The following PDE1C variants were observed in gnomAD, a reference collection of about 807,000 sequenced individuals.
PDE1C encodes dual specificity calcium/calmodulin-dependent 3',5'-cyclic nucleotide phosphodiesterase 1C.
PDE1C carries 62 observed loss-of-function variants against 93.1 expected under a neutral mutation model. That is an observed-to-expected ratio of 0.67 (90% CI 0.54 to 0.82). The LOEUF (loss-of-function observed/expected upper bound fraction) is 0.82, where lower values mean the gene tolerates loss of function less well. Ranked by LOEUF, PDE1C falls within the 40% of genes least tolerant of loss-of-function variation. The pLI is 0.00. For synonymous variants in PDE1C, 325 were observed against 310.1 expected (o/e 1.05, Z -0.50); for missense variants, 742 against 884.6 (o/e 0.84, Z 2.04).
At chr7:32,134,968 T>C (rs568779512) in intron 3 of PDE1C, among the ~76,000 whole-genome samples, 123 of 152,260 alleles carry the variant, frequency 8.1e-4, no homozygotes, top group Non-Finnish European at 1.3e-3. Context: ...TGCAGTACCA[T>C]GGATCAAGTG....
chr7:31,695,359 G>C, the PDE1C span: 1 of 974,042 alleles, frequency 1.0e-6, no homozygotes, highest in Non-Finnish European at 1.5e-6. Flanking sequence ...TTCCTTTTCA[G>C]GCCAAATCAC....
chr7:31,697,486 T>C, the PDE1C span, among the ~76,000 whole-genome samples: 1 of 152,134 alleles, frequency 6.6e-6, no homozygotes, highest in South Asian at 2.1e-4. Flanking sequence ...TTGGACTAAT[T>C]GGCCAAATCC....
chr7:31,749,731 T>C (rs992421281), downstream of PDE1C, among the ~76,000 whole-genome samples: 2 of 125,082 alleles, frequency 1.6e-5, no homozygotes, highest in Non-Finnish European at 3.3e-5. Context: ...GTCGCTGTTG[T>C]CTAATTTTTT....
At chr7:31,968,910 G>C (rs1233190318) in intron 2 of PDE1C, among the ~76,000 whole-genome samples, 2 of 152,104 alleles carry the variant, frequency 1.3e-5, no homozygotes, top group Non-Finnish European at 2.9e-5. Flanking sequence ...AATCATTCTG[G>C]GAAAACTGGC....
chr7:32,299,796 A>G (rs984270549), upstream of PDE1C, among the ~76,000 whole-genome samples: 2 of 152,206 alleles, frequency 1.3e-5, no homozygotes, highest in African/African-American at 2.4e-5. Flanking sequence ...TCAGCAAGCA[A>G]TTATTGAGGA....
chr7:32,151,065 A>T (rs1801223071), intron 3 of PDE1C, among the ~76,000 whole-genome samples: 1 of 152,172 alleles, frequency 6.6e-6, no homozygotes, highest in African/African-American at 2.4e-5. Flanking sequence ...ATCTGTAAGA[A>T]ATCCTAAAAA....
intron 12 of PDE1C, 116 bp downstream of exon 12, chr7:31,828,176 C>G: frequency 1.4e-6 from 1 of 713,348 alleles, no homozygotes; most frequent in Non-Finnish European, 2.4e-6. Context: ...GAGCCATGAG[C>G]ACAACATGGC....
chr7:31,862,398 G>C (rs1262445379), intron 7 of PDE1C, among the ~76,000 whole-genome samples: 2 of 152,162 alleles, frequency 1.3e-5, no homozygotes, highest in Admixed American at 1.3e-4. Flanking sequence ...ATAAACAACA[G>C]AAATTTATTT....
At chr7:31,618,152 G>C in the PDE1C span, among the ~76,000 whole-genome samples, 1 of 152,174 alleles carries the variant, frequency 6.6e-6, no homozygotes, top group African/African-American at 2.4e-5. Context: ...CTATGACTAA[G>C]TCACCCAGAT....
chr7:31,618,785 C>G, the PDE1C span, among the ~76,000 whole-genome samples: 1 of 152,206 alleles, frequency 6.6e-6, no homozygotes, highest in Non-Finnish European at 1.5e-5. Context: ...CAGGATGAAA[C>G]CCAGGTTCCT....
intron 1 of PDE1C, among the ~76,000 whole-genome samples, chr7:32,415,804 C>T (rs1043653386): frequency 6.6e-6 from 1 of 152,216 alleles, no homozygotes; most frequent in Non-Finnish European, 1.5e-5. Flanking sequence ...AAAGCAACAA[C>T]TCTGGCTGGC....
intron 1 of PDE1C, among the ~76,000 whole-genome samples, chr7:32,283,726 G>A (rs991711739): frequency 5.3e-5 from 8 of 152,136 alleles, no homozygotes; most frequent in East Asian, 3.9e-4. Context: ...TGACTTCAAC[G>A]GTCCCGTCCC....
At chr7:32,318,911 G>A (rs2128906392) in intron 1 of PDE1C, among the ~76,000 whole-genome samples, 1 of 152,306 alleles carries the variant, frequency 6.6e-6, no homozygotes, top group South Asian at 2.1e-4. Flanking sequence ...GGTTCGGGAG[G>A]GCTGGACTTA....
intron 2 of PDE1C, among the ~76,000 whole-genome samples, chr7:32,206,892 T>A (rs996673998): frequency 1.3e-5 from 2 of 152,218 alleles, no homozygotes; most frequent in Non-Finnish European, 2.9e-5. Flanking sequence ...TTCACTGTCC[T>A]GGACACTGTC....
At chr7:32,155,925 G>T (rs891730351) in intron 3 of PDE1C, among the ~76,000 whole-genome samples, 5 of 152,150 alleles carry the variant, frequency 3.3e-5, no homozygotes, top group African/African-American at 1.2e-4. Flanking sequence ...TGGGTCATGG[G>T]TCAGCAGGAG....
At chr7:31,934,910 C>T (rs990065010) in intron 2 of PDE1C, among the ~76,000 whole-genome samples, 3 of 152,080 alleles carry the variant, frequency 2.0e-5, no homozygotes, top group Non-Finnish European at 4.4e-5. Flanking sequence ...TCCAATATTA[C>T]AATTTCATGG....
chr7:31,627,209 C>T, the PDE1C span, among the ~76,000 whole-genome samples: 23 of 152,230 alleles, frequency 1.5e-4, no homozygotes, highest in South Asian at 8.3e-4. Context: ...ACAGAGCAGC[C>T]AATCAATCAG....
At chr7:32,104,814 C>T (rs1798217702) in intron 3 of PDE1C, among the ~76,000 whole-genome samples, 1 of 152,270 alleles carries the variant, frequency 6.6e-6, no homozygotes, top group Admixed American at 6.5e-5. Flanking sequence ...CAAAGCTGAA[C>T]TATGACTCAC....
rs1485226534 is a variant in PDE1C at position 31,809,139 on chromosome 7, T to C, written c.1814-31A>G. 4 of 1,207,832 alleles carry C rather than the reference T, an allele frequency of 3.3e-6. 1 individual carries two copies. The highest frequency in any genetic ancestry group is 1.2e-5 in the South Asian group (1 of 81,746). The allele number at this position is 1,207,832 out of a possible 1,614,324, so 74.8% of individuals were successfully genotyped here. ...AGTAATAAACATGACAAACAGTATA[T>C]GTATGCAGCTGAGGGGGTTGTTATA... On this transcript the variant is annotated intron_variant, in intron 15 of 17. Transcript: ENST00000396191.
Sources: gnomAD v4.1 joint callset for allele counts (sites outside exome capture counted in the v4.1 genomes callset) on GRCh38, gnomAD v4.1.1 for gene constraint, MANE v1.5 for transcripts, NCBI Gene and HGNC (gene_info 2026-07-23, HGNC 2026-07-21) for gene names.